Variants in CPQ observed in about 807,000 individuals in gnomAD.
CPQ encodes the protein Ser-Met dipeptidase.
A neutral mutation model predicts 45.7 loss-of-function variants in CPQ; 37 were observed. The observed-to-expected ratio is 0.81, with a 90% CI of 0.62 to 1.07. The LOEUF (loss-of-function observed/expected upper bound fraction) is 1.07, where lower values mean the gene tolerates loss of function less well. Ranked by LOEUF, CPQ falls within the 50% of genes least tolerant of loss-of-function variation. CPQ has a pLI of 0.00. For missense variants in CPQ, 537 were observed against 572.9 expected (o/e 0.94, Z 0.64); for synonymous variants, 186 against 205.8 (o/e 0.90, Z 0.82).
intron 1 of CPQ, among the ~76,000 whole-genome samples, chr8:96,764,458 A>G (rs1294716993): frequency 6.6e-6 from 1 of 152,212 alleles, no homozygotes; most frequent in Admixed American, 6.5e-5. Context: ...ATATTCATTC[A>G]GTTAAGGAAC....
intron 7 of CPQ, among the ~76,000 whole-genome samples, chr8:97,071,787 C>T (rs1176706629): frequency 6.6e-6 from 1 of 152,142 alleles, no homozygotes; most frequent in Non-Finnish European, 1.5e-5. Context: ...TTTTTAAATT[C>T]GCTTAAAAAG....
chr8:96,837,020 A>T (rs1257255889), intron 3 of CPQ, among the ~76,000 whole-genome samples: 1 of 152,198 alleles, frequency 6.6e-6, no homozygotes, highest in African/African-American at 2.4e-5. Context: ...TGGACTTTAC[A>T]TAGCACTTTA....
At chr8:96,789,788 G>T (rs1207124883) in intron 2 of CPQ, among the ~76,000 whole-genome samples, 4 of 152,176 alleles carry the variant, frequency 2.6e-5, no homozygotes, top group African/African-American at 9.7e-5. Flanking sequence ...GCCAGTGTTT[G>T]CTCAGAGGTT....
intron 4 of CPQ, among the ~76,000 whole-genome samples, chr8:96,898,439 A>T (rs1001068479): frequency 9.2e-5 from 14 of 152,154 alleles, no homozygotes; most frequent in African/African-American, 3.4e-4. Context: ...CTGAGGAGGT[A>T]GCAAATGCAG....
intron 1 of CPQ, among the ~76,000 whole-genome samples, chr8:96,648,103 G>A (rs1466944028): frequency 1.3e-5 from 2 of 152,256 alleles, no homozygotes; most frequent in Non-Finnish European, 1.5e-5. Context: ...AGCAAAAGAC[G>A]AAAAGAGAGG....
At chr8:97,134,393 G>A (rs1812011508) in intron 7 of CPQ, among the ~76,000 whole-genome samples, 1 of 152,236 alleles carries the variant, frequency 6.6e-6, no homozygotes, top group African/African-American at 2.4e-5. Flanking sequence ...GTGACCACAT[G>A]GAGGGGTGGA....
In CPQ at chr8:96,660,539, C is replaced by A. The variant is rs192039518; in HGVS notation, c.-35+15137C>A. 4.6e-3 allele frequency among the ~76,000 whole-genome samples: 704 copies of A among 152,208 alleles called. 6 individuals carry two copies. Among genetic ancestry groups the A allele is most frequent in the South Asian group, 0.025 (118 of 4,816 alleles). Reference sequence around the variant, plus strand: ...CTGTACTCATGAATGTATAATGGATCACCTAGGAAGATTTAGAAAATACTG... The same window carrying A: ...CTGTACTCATGAATGTATAATGGATAACCTAGGAAGATTTAGAAAATACTG... On this transcript the variant is annotated intron_variant, in intron 1 of 7. Transcript: ENST00000220763.
At chr8:97,072,570 G>A (rs1030446996) in intron 7 of CPQ, among the ~76,000 whole-genome samples, 1 of 152,050 alleles carries the variant, frequency 6.6e-6, no homozygotes, top group Non-Finnish European at 1.5e-5. Context: ...TGATATGACC[G>A]TATACCTAGA....
At chr8:97,000,004 T>A (rs1012522007) in intron 5 of CPQ, among the ~76,000 whole-genome samples, 24 of 152,080 alleles carry the variant, frequency 1.6e-4, no homozygotes, top group Admixed American at 2.6e-4. Context: ...CTGAGCTTTT[T>A]TTTTTTTGTA....
chr8:96,706,583 C>T (rs1809532868), intron 1 of CPQ, among the ~76,000 whole-genome samples: 1 of 152,098 alleles, frequency 6.6e-6, no homozygotes, highest in Admixed American at 6.6e-5. Flanking sequence ...ATTTTTAAAA[C>T]ATTTGAAGGC....
intron 4 of CPQ, among the ~76,000 whole-genome samples, chr8:96,944,327 C>A (rs529009412): frequency 1.3e-5 from 2 of 152,230 alleles, no homozygotes; most frequent in South Asian, 2.1e-4. Flanking sequence ...CCCCTCCAGG[C>A]AGTTCTGGGA....
At chr8:96,723,592 A>G (rs377459523) in intron 1 of CPQ, among the ~76,000 whole-genome samples, 6 of 152,200 alleles carry the variant, frequency 3.9e-5, no homozygotes, top group African/African-American at 1.4e-4. Flanking sequence ...TCCCTCCCTA[A>G]ATGAGTACCT....
chr8:96,811,173 C>T (rs548370520), intron 2 of CPQ, among the ~76,000 whole-genome samples: 1 of 152,076 alleles, frequency 6.6e-6, no homozygotes, highest in African/African-American at 2.4e-5. Flanking sequence ...ATCTAAGATC[C>T]GTTTTCCACA....
At chr8:97,078,586 C>T (rs886310513) in intron 7 of CPQ, among the ~76,000 whole-genome samples, 5 of 152,056 alleles carry the variant, frequency 3.3e-5, no homozygotes, top group African/African-American at 4.8e-5. Flanking sequence ...TTGCTTTATC[C>T]CACAATACAC....
At chr8:96,780,502 A>G (rs1171944859) in intron 1 of CPQ, among the ~76,000 whole-genome samples, 1 of 152,170 alleles carries the variant, frequency 6.6e-6, no homozygotes, top group African/African-American at 2.4e-5. Flanking sequence ...TGCAATTTAA[A>G]TTTTTCTAAT....
intron 7 of CPQ, among the ~76,000 whole-genome samples, chr8:97,113,257 C>T (rs987017579): frequency 1.3e-5 from 2 of 152,056 alleles, no homozygotes; most frequent in South Asian, 2.1e-4. Context: ...CCTGTGCTGT[C>T]GCCCAGGCTG....
At chr8:96,943,133 C>T (rs1813145443) in intron 4 of CPQ, among the ~76,000 whole-genome samples, 1 of 152,282 alleles carries the variant, frequency 6.6e-6, no homozygotes, top group African/African-American at 2.4e-5. Flanking sequence ...CATACAAATC[C>T]TCTTTCTTTG....
At chr8:96,892,562 C>CT (rs978821190) in intron 4 of CPQ, among the ~76,000 whole-genome samples, 1 of 152,158 alleles carries the variant, frequency 6.6e-6, no homozygotes, top group Non-Finnish European at 1.5e-5. Context: ...CAAATTCATT[C>CT]TTTTTTTCTT....
rs1338054553 is a variant in CPQ, at chr8:97,040,522, C to T, written c.1053+11028C>T. 2.6e-5 allele frequency among the ~76,000 whole-genome samples: 4 copies of T among 152,144 alleles called. No individual in the cohort carries two copies. In the South Asian group the frequency reaches 6.2e-4, roughly 24 times the overall value. ...ATTTGTCAATTTTGGCTTTTGTTGC[C>T]ATCGCTTTTGGTGTTTTAGACATGA... On this transcript the variant is annotated intron_variant, in intron 6 of 7. Transcript: ENST00000220763.
Sources: gnomAD v4.1 joint callset for allele counts (sites outside exome capture counted in the v4.1 genomes callset) on GRCh38, gnomAD v4.1.1 for gene constraint, MANE v1.5 for transcripts, NCBI Gene and HGNC (gene_info 2026-07-23, HGNC 2026-07-21) for gene names.